Variants in GLCE observed in about 807,000 individuals in gnomAD.
GLCE encodes D-glucuronyl C5-epimerase.
GLCE carries 19 observed loss-of-function variants against 47.9 expected under a neutral mutation model. The ratio of observed to expected loss-of-function variants is 0.40; its 90% confidence interval spans 0.28 to 0.58. The LOEUF (loss-of-function observed/expected upper bound fraction) is 0.58, where lower values mean the gene tolerates loss of function less well. Ranked by LOEUF, GLCE falls within the 20% of genes least tolerant of loss-of-function variation. GLCE has a pLI of 0.48. For missense variants in GLCE, 556 were observed against 743.3 expected (o/e 0.75, Z 2.93); for synonymous variants, 245 against 263.4 (o/e 0.93, Z 0.68).
At chr15:69,207,923 T>TTTTG (rs892074551) in intron 1 of GLCE, among the ~76,000 whole-genome samples, 3 of 151,580 alleles carry the variant, frequency 2.0e-5, no homozygotes, top group African/African-American at 4.8e-5. Context: ...TACCAGTTGT[T>TTTTG]TTTGTTTGTT....
intron 2 of GLCE, among the ~76,000 whole-genome samples, chr15:69,243,629 T>A (rs1235417151): frequency 6.6e-6 from 1 of 151,910 alleles, no homozygotes; most frequent in Non-Finnish European, 1.5e-5. Flanking sequence ...TGACCTTTGC[T>A]GTCACTGGTG....
At chr15:69,235,090 A>AATCT (rs1163529945) in intron 2 of GLCE, among the ~76,000 whole-genome samples, 14 of 82,510 alleles carry the variant, frequency 1.7e-4, no homozygotes, top group African/African-American at 6.2e-4. Flanking sequence ...GATGAAGATT[A>AATCT]TTCTTTTTTT....
chr15:69,188,086 C>CAAA (rs2051853812), intron 1 of GLCE, among the ~76,000 whole-genome samples: 1 of 151,262 alleles, frequency 6.6e-6, no homozygotes, highest in East Asian at 1.9e-4. Context: ...ACAACAACAA[C>CAAA]AAAAAAATTA....
At chr15:69,264,834 G>A (rs535289166) in intron 4 of GLCE, among the ~76,000 whole-genome samples, 4 of 151,994 alleles carry the variant, frequency 2.6e-5, no homozygotes, top group Admixed American at 6.6e-5. Context: ...TTGGCCACTC[G>A]TGTCTTCTTT....
chr15:69,252,913 A>G (rs2052866183), intron 2 of GLCE, among the ~76,000 whole-genome samples: 1 of 152,152 alleles, frequency 6.6e-6, no homozygotes, highest in South Asian at 2.1e-4. Flanking sequence ...ATGATGAATT[A>G]TTCTCAGTTA....
intron 2 of GLCE, among the ~76,000 whole-genome samples, chr15:69,211,420 A>G (rs1323410858): frequency 1.3e-5 from 2 of 152,186 alleles, no homozygotes; most frequent in South Asian, 2.1e-4. Context: ...TTTAGCATAT[A>G]TGAACTTAAA....
chr15:69,229,810 C>CTAT, intron 2 of GLCE, among the ~76,000 whole-genome samples: 1 of 151,624 alleles, frequency 6.6e-6, no homozygotes, highest in Non-Finnish European at 1.5e-5. Flanking sequence ...TGTAAATGGT[C>CTAT]TAAATACCAT....
chr15:69,264,280 A>G (rs2053055004), intron 4 of GLCE, among the ~76,000 whole-genome samples: 1 of 151,740 alleles, frequency 6.6e-6, no homozygotes, highest in South Asian at 2.1e-4. Context: ...CACACGTAGC[A>G]TAATTCCTTC....
At position 69,179,448 on chromosome 15, in the gene GLCE, A is replaced by G. The variant is rs575032204; in HGVS notation, c.-105+18691A>G. Among the ~76,000 whole-genome samples the G allele has an allele frequency of 2.6e-5, 4 of 152,314 alleles. No individual in the cohort carries two copies. The South Asian group carries it at 6.2e-4, about 24-fold the overall frequency. On this transcript the variant is annotated intron_variant, in intron 1 of 4. Coordinates refer to ENST00000261858, the MANE Select transcript of GLCE (RefSeq NM_015554.3). ...TGATGTTGGACAATCCAAAGACTTT[A>G]TTCAGATTTCACCAGTTTTACAGGC...
At chr15:69,170,701 A>G (rs1321796752) in intron 1 of GLCE, among the ~76,000 whole-genome samples, 1 of 152,238 alleles carries the variant, frequency 6.6e-6, no homozygotes, top group Non-Finnish European at 1.5e-5. Context: ...GAAAGGGTCT[A>G]GCTATGATTC....
intron 1 of GLCE, among the ~76,000 whole-genome samples, chr15:69,174,340 C>G (rs965444984): frequency 6.6e-6 from 1 of 152,034 alleles, no homozygotes; most frequent in African/African-American, 2.4e-5. Flanking sequence ...AAAACTGAAA[C>G]CACTCATGCC....
chr15:69,244,408 T>G (rs2052718906), intron 2 of GLCE, among the ~76,000 whole-genome samples: 1 of 152,356 alleles, frequency 6.6e-6, no homozygotes, highest in South Asian at 2.1e-4. Context: ...CCTAAAATTA[T>G]GTTTACCTGT....
chr15:69,256,949 TG>T (rs1389424299), intron 3 of GLCE, among the ~76,000 whole-genome samples: 4 of 152,358 alleles, frequency 2.6e-5, no homozygotes, highest in African/African-American at 9.6e-5. Flanking sequence ...CTTTGGAATT[TG>T]CTTTTCAAAC....
chr15:69,197,251 A>G (rs1025608180), intron 1 of GLCE: 8 of 386,982 alleles, frequency 2.1e-5, no homozygotes, highest in Non-Finnish European at 3.6e-5. Flanking sequence ...CTTCTTGCCA[A>G]CTGACTACCA....
In GLCE at chr15:69,210,132, T is replaced by C. The variant is rs139711475; in HGVS notation, c.-104-184T>C. ...AAATAAATGGTAAACCTGTGGTTGC[T>C]TCAGTGGTACATCAAATTCTGGTTG... On this transcript the variant is annotated intron_variant, in intron 1 of 4. Transcript: ENST00000261858. Among the ~76,000 whole-genome samples, 505 of 152,250 alleles carry C rather than the reference T, an allele frequency of 3.3e-3. 2 individuals carry two copies. In the Middle Eastern group the frequency reaches 0.034, roughly 10 times the overall value.
At position 69,162,179 on chromosome 15, in the gene GLCE, C is replaced by CT. The variant is rs556988388; in HGVS notation, c.-105+1428dup. 1.2e-4 allele frequency among the ~76,000 whole-genome samples: 19 copies of CT among 152,224 alleles called. No homozygotes were observed. In the South Asian group the frequency reaches 3.3e-3, roughly 27 times the overall value. ...TGACCTGTAAGGATGGTTAATCGAG[C>CT]TTTTTTAGAGAATTCTGCTTAACAG... On this transcript the variant is annotated intron_variant, in intron 1 of 4. Coordinates refer to ENST00000261858, the MANE Select transcript of GLCE (RefSeq NM_015554.3).
At chr15:69,192,964 C>G (rs763737663) in intron 1 of GLCE, among the ~76,000 whole-genome samples, 15 of 152,086 alleles carry the variant, frequency 9.9e-5, no homozygotes, top group Non-Finnish European at 1.9e-4. Flanking sequence ...TGCCCAGCCT[C>G]TTGGGGGTTC....
At chr15:69,193,753 T>G (rs554202044) in intron 1 of GLCE, among the ~76,000 whole-genome samples, 3 of 152,128 alleles carry the variant, frequency 2.0e-5, no homozygotes, top group Admixed American at 6.6e-5. Flanking sequence ...CTCCTTAAAT[T>G]TTGTACCCTA....
At chr15:69,266,008 GC>G (rs2053080702) in intron 4 of GLCE, among the ~76,000 whole-genome samples, 1 of 152,158 alleles carries the variant, frequency 6.6e-6, no homozygotes, top group Admixed American at 6.5e-5. Context: ...TACTATAGAT[GC>G]AGAAAAATGC....
Sources: allele counts gnomAD v4.1 joint callset (sites outside exome capture counted in the v4.1 genomes callset), GRCh38; gene constraint gnomAD v4.1.1; transcripts MANE v1.5; gene names NCBI Gene and HGNC (gene_info 2026-07-23, HGNC 2026-07-21).